Variants in SH3BGR observed in about 807,000 individuals in gnomAD.
The protein encoded by SH3BGR is SH3 domain-binding glutamic acid-rich protein.
SH3BGR carries 29 observed loss-of-function variants against 24.5 expected under a neutral mutation model. The observed-to-expected ratio is 1.18, with a 90% CI of 0.88 to 1.61. The LOEUF (loss-of-function observed/expected upper bound fraction) is 1.61. SH3BGR is among the 40% of genes most tolerant of loss of function. The probability of loss-of-function intolerance (pLI) is 0.00; values close to 1 mark genes in which losing one functional copy is unlikely to be tolerated. For missense variants in SH3BGR, 162 were observed against 205.8 expected (o/e 0.79, Z 1.30); for synonymous variants, 55 against 65.7 (o/e 0.84, Z 0.79).
chr21:39,507,229 CT>C (rs1407215614), intron 4 of SH3BGR, among the ~76,000 whole-genome samples: 1 of 152,162 alleles, frequency 6.6e-6, no homozygotes, highest in African/African-American at 2.4e-5. Context: ...CAGTGCCCGT[CT>C]CAGAAATAGG....
chr21:39,492,466 G>GTGTA (rs1404293146), intron 3 of SH3BGR, among the ~76,000 whole-genome samples: 34 of 139,782 alleles, frequency 2.4e-4, no homozygotes, highest in African/African-American at 7.7e-4. Context: ...GTGTGTGTGT[G>GTGTA]TATATATATA....
At chr21:39,465,440 GTTGGCAATTTCGTGT>G (rs2077825015) in intron 2 of SH3BGR, among the ~76,000 whole-genome samples, 1 of 152,228 alleles carries the variant, frequency 6.6e-6, no homozygotes, top group African/African-American at 2.4e-5. Flanking sequence ...GGCAGCCAGT[GTTGGCAATTTCGTGT>G]TTGGGTTTGC....
chr21:39,450,160 A>G (rs1364666158), upstream of SH3BGR, among the ~76,000 whole-genome samples: 1 of 152,222 alleles, frequency 6.6e-6, no homozygotes, highest in Non-Finnish European at 1.5e-5. Flanking sequence ...ATATAATTGT[A>G]TGAAAAAATA....
intron 2 of SH3BGR, among the ~76,000 whole-genome samples, chr21:39,465,303 G>T (rs2077822392): frequency 6.6e-6 from 1 of 152,156 alleles, no homozygotes; most frequent in Admixed American, 6.5e-5. Context: ...CCATCCACAG[G>T]AGGGCTCTGT....
chr21:39,485,360 A>T (rs1239515880), intron 3 of SH3BGR, among the ~76,000 whole-genome samples: 3 of 152,220 alleles, frequency 2.0e-5, no homozygotes, highest in Non-Finnish European at 4.4e-5. Context: ...GGAATCGGGC[A>T]GGGAGAATAA....
chr21:39,466,565 G>T (rs538562031), intron 2 of SH3BGR, among the ~76,000 whole-genome samples: 273 of 152,282 alleles, frequency 1.8e-3, no homozygotes, highest in African/African-American at 6.4e-3. Context: ...CAGCATGGCT[G>T]GAAAGGCCTC....
chr21:39,473,855 A>G (rs1441466433), intron 2 of SH3BGR, among the ~76,000 whole-genome samples: 2 of 149,526 alleles, frequency 1.3e-5, no homozygotes, highest in Admixed American at 1.4e-4. Context: ...ACTGTACTCC[A>G]GCCTGGGAGA....
chr21:39,454,788 TATAAA>T (rs1377871518), intron 1 of SH3BGR, among the ~76,000 whole-genome samples: 1 of 152,244 alleles, frequency 6.6e-6, no homozygotes, highest in African/African-American at 2.4e-5. Context: ...TCAGCATTGT[TATAAA>T]ATAGCCATCC....
At chr21:39,451,014 C>A (rs4816628), upstream of SH3BGR, among the ~76,000 whole-genome samples, 78,204 of 151,552 alleles carry the variant, frequency 0.52, 20,548 homozygotes, top group East Asian at 0.67. Flanking sequence ...TAAAGTCGTA[C>A]CTCAGTATGT....
At chr21:39,512,321 C>T (rs965424472) in intron 6 of SH3BGR, among the ~76,000 whole-genome samples, 2 of 152,128 alleles carry the variant, frequency 1.3e-5, no homozygotes, top group African/African-American at 2.4e-5. Context: ...CGGGTTTAGT[C>T]GTCAGTGCTT....
chr21:39,511,757 A>C lies in SH3BGR; in HGVS notation c.513A>C (p.Gly171=), dbSNP rs2078700285. The change falls in exon 6 of 7, where the codon GGA becomes GGC. Residue 171 remains glycine, a synonymous_variant. Transcript: ENST00000333634. The surrounding 1 kb of genome is among the most constrained non-coding windows in gnomAD (Gnocchi z 4.2). ...AAACTGCAGAAGGAGAAGAGCCTGG[A>C]GAAGACGAAGATTCCTAGGCCTTTT... ...EEETAEGEEP[G]EDEDS 3 of 1,605,358 alleles carry C rather than the reference A, an allele frequency of 1.9e-6. No individual in the cohort carries two copies. The African/African-American group carries it at 4.0e-5, about 22-fold the overall frequency.
At chr21:39,450,394 G>A (rs750779252), upstream of SH3BGR, among the ~76,000 whole-genome samples, 3 of 152,168 alleles carry the variant, frequency 2.0e-5, no homozygotes, top group Non-Finnish European at 4.4e-5. Context: ...GGGCATTTAA[G>A]CGATATTCCA....
intron 3 of SH3BGR, among the ~76,000 whole-genome samples, chr21:39,477,163 C>T (rs2078040454): frequency 6.6e-6 from 1 of 151,938 alleles, no homozygotes; most frequent in East Asian, 1.9e-4. Context: ...TAATTGACTT[C>T]CTTATTCCTA....
At chr21:39,488,388 A>C (rs933310734) in intron 3 of SH3BGR, 2 of 227,064 alleles carry the variant, frequency 8.8e-6, no homozygotes, top group African/African-American at 4.6e-5. Flanking sequence ...GTTTGACTGA[A>C]TGGGTGATGG....
At chr21:39,485,441 A>C (rs971355105) in intron 3 of SH3BGR, among the ~76,000 whole-genome samples, 1 of 152,212 alleles carries the variant, frequency 6.6e-6, no homozygotes, top group Non-Finnish European at 1.5e-5. Flanking sequence ...ATGTATGGAA[A>C]GCTTAAGAGA....
intron 3 of SH3BGR, among the ~76,000 whole-genome samples, chr21:39,499,382 C>T (rs2078454626): frequency 6.6e-6 from 1 of 151,882 alleles, no homozygotes; most frequent in Non-Finnish European, 1.5e-5. Context: ...TCCATCCATC[C>T]ATCTCTCCAT....
intron 3 of SH3BGR, among the ~76,000 whole-genome samples, chr21:39,479,017 A>G (rs1365714387): frequency 6.6e-6 from 1 of 151,416 alleles, no homozygotes; most frequent in African/African-American, 2.4e-5. Flanking sequence ...TTTCCTTTTT[A>G]TTTTTATGTA....
intron 3 of SH3BGR, 47 bp from the exon 4 acceptor site, chr21:39,499,776 C>CT: frequency 1.6e-6 from 2 of 1,221,736 alleles, no homozygotes; most frequent in East Asian, 2.6e-5. Context: ...TTTTTTTTTT[C>CT]TTTTTTCTGT....
At chr21:39,499,268 G>A (rs73213745) in intron 3 of SH3BGR, among the ~76,000 whole-genome samples, 603 of 43,932 alleles carry the variant, frequency 0.014, 5 homozygotes, top group East Asian at 0.12. Context: ...CTGTCTATCT[G>A]TCTATCTATC....
Sources: allele counts gnomAD v4.1 joint callset (sites outside exome capture counted in the v4.1 genomes callset), GRCh38; gene constraint gnomAD v4.1.1; non-coding constraint Gnocchi (gnomAD v3.1); transcripts MANE v1.5; gene names NCBI Gene and HGNC (gene_info 2026-07-23, HGNC 2026-07-21).